PPFIBP1: variants seen among roughly 807,000 people sequenced by gnomAD.
The protein encoded by PPFIBP1 is PPFIB scaffold protein 1, also known as liprin-beta-1.
PPFIBP1 carries 112 observed loss-of-function variants against 137.8 expected under a neutral mutation model. The ratio of observed to expected loss-of-function variants is 0.81; its 90% CI spans 0.70 to 0.95. The LOEUF (loss-of-function observed/expected upper bound fraction) is 0.95. PPFIBP1 is among the 40% of genes least tolerant of loss of function. The probability of loss-of-function intolerance (pLI) is 0.00; values close to 1 mark genes in which losing one functional copy is unlikely to be tolerated. For missense variants in PPFIBP1, 1,083 were observed against 1,196.6 expected, an observed-to-expected ratio of 0.91 and a Z score of 1.40; for synonymous variants, 378 against 417.3, an observed-to-expected ratio of 0.91 and a Z score of 1.15.
Position 27,647,984 on chromosome 12 carries a change from G to T in PPFIBP1, c.471+142G>T, listed in dbSNP as rs556938980. On this transcript the variant is annotated intron_variant, in intron 6 of 29. Coordinates refer to ENST00000228425, the MANE Select transcript of PPFIBP1 (RefSeq NM_003622.4). ...GCACATTAAAAAAAAAAAATTGAGA[G>T]TAGTAGAGTCTCAAAACACATGCAC... is the stretch of plus-strand genomic sequence containing the variant. 1.5e-4 allele frequency: 167 copies of T among 1,100,082 alleles called. 1 individual carries two copies. The African/African-American group carries it at 2.5e-3, about 17-fold the overall frequency. The allele number at this position is 1,100,082 out of a possible 1,614,324, so 68.1% of individuals were successfully genotyped here.
chr12:27,622,761 G>T (rs2056453717), intron 2 of PPFIBP1, among the ~76,000 whole-genome samples: 1 of 152,158 alleles, frequency 6.6e-6, no homozygotes, highest in Non-Finnish European at 1.5e-5. Flanking sequence ...AATATTTGTT[G>T]CAGGTATGTG....
At chr12:27,679,029 G>A (rs1018624980) in intron 19 of PPFIBP1, among the ~76,000 whole-genome samples, 1 of 151,812 alleles carries the variant, frequency 6.6e-6, no homozygotes, top group African/African-American at 2.4e-5. Flanking sequence ...TCCTCTAGAG[G>A]GCATTTAGAA....
At chr12:27,528,598 C>A (rs1460380653) in intron 1 of PPFIBP1, among the ~76,000 whole-genome samples, 2 of 151,934 alleles carry the variant, frequency 1.3e-5, no homozygotes, top group Non-Finnish European at 2.9e-5. Flanking sequence ...TCTTTTACAC[C>A]CTTCATTTTA....
chr12:27,590,017 T>C (rs2052300568), intron 2 of PPFIBP1, among the ~76,000 whole-genome samples: 1 of 152,228 alleles, frequency 6.6e-6, no homozygotes, highest in African/African-American at 2.4e-5. Context: ...TTCTTGACCC[T>C]ACTGACCAGT....
intron 4 of PPFIBP1, among the ~76,000 whole-genome samples, chr12:27,638,082 A>G (rs1347342486): frequency 6.6e-6 from 1 of 152,076 alleles, no homozygotes; most frequent in Non-Finnish European, 1.5e-5. Context: ...GATAATACTT[A>G]CTGCACATAG....
intron 24 of PPFIBP1, 26 bp from the exon 25 acceptor site, chr12:27,687,359 G>A: frequency 1.9e-6 from 3 of 1,611,274 alleles, no homozygotes; most frequent in Non-Finnish European, 2.5e-6. Context: ...AGCACAGTGA[G>A]CTCCTCCTTT....
At chr12:27,643,017 C>G (rs556884594) in intron 4 of PPFIBP1, among the ~76,000 whole-genome samples, 2 of 151,922 alleles carry the variant, frequency 1.3e-5, no homozygotes, top group African/African-American at 2.4e-5. Context: ...TAACTATTGT[C>G]CATTACAAAG....
intron 25 of PPFIBP1, chr12:27,688,059 CGTGG>C: frequency 2.5e-6 from 1 of 398,202 alleles, no homozygotes; most frequent in Non-Finnish European, 4.5e-6. Context: ...GCAACGCCAG[CGTGG>C]GTAAGAGAAT....
Position 27,667,307 on chromosome 12 carries a change from G to T in PPFIBP1, c.1133G>T (p.Ser378Ile), listed in dbSNP as rs780479893. The change falls in exon 13 of 30, where the codon AGT (serine) becomes ATT (isoleucine). Residue 378 changes from serine (S) to isoleucine (I), a missense_variant. Ser to Ile is a moderately radical substitution (Grantham distance 142). Coordinates refer to ENST00000228425, the MANE Select transcript of PPFIBP1 (RefSeq NM_003622.4). The stretch of plus-strand genomic sequence containing the variant: ...CCCAGTTGTGACCCATTTAACACAA[G>T]TGTTCCCGAAGAGGTATTAATAGAC... ...GSPSCDPFNT[S>I]VPEEFHTTIL... The T allele has an allele frequency of 6.2e-7, 1 of 1,602,300 alleles. No individual in the cohort carries two copies. The highest frequency in any genetic ancestry group is 8.5e-7 in the Non-Finnish European group (1 of 1,176,342).
intron 2 of PPFIBP1, among the ~76,000 whole-genome samples, chr12:27,584,845 A>T (rs979262605): frequency 8.5e-5 from 13 of 152,336 alleles, no homozygotes; most frequent in African/African-American, 2.4e-4. Context: ...CATGAAAGGT[A>T]GTAATGGCCA....
chr12:27,580,403 C>T (rs748563661), intron 2 of PPFIBP1, among the ~76,000 whole-genome samples: 13 of 152,162 alleles, frequency 8.5e-5, no homozygotes, highest in African/African-American at 2.7e-4. Context: ...CACTTTGTCT[C>T]GTGACCTTTC....
chr12:27,564,600 CACTTTTCTCCA>C (rs2136477420), intron 1 of PPFIBP1, among the ~76,000 whole-genome samples: 1 of 152,296 alleles, frequency 6.6e-6, no homozygotes, highest in East Asian at 1.9e-4. Flanking sequence ...TACGTGCTTT[CACTTTTCTCCA>C]ACAGTCTCCA....
chr12:27,575,002 G>A (rs2050443892), intron 1 of PPFIBP1, among the ~76,000 whole-genome samples: 2 of 152,186 alleles, frequency 1.3e-5, no homozygotes, highest in Admixed American at 1.3e-4. Flanking sequence ...AAGGTTAAGT[G>A]ACTTAGGTAA....
chr12:27,538,095 C>T (rs1945249403), intron 1 of PPFIBP1: 1 of 152,312 alleles, frequency 6.6e-6, no homozygotes, highest in Non-Finnish European at 1.5e-5. Flanking sequence ...CCAAGCTTGC[C>T]TTTCCCTGCT....
intron 10 of PPFIBP1, among the ~76,000 whole-genome samples, chr12:27,659,929 G>C (rs769104182): frequency 6.6e-5 from 10 of 152,090 alleles, no homozygotes; most frequent in Non-Finnish European, 1.2e-4. Context: ...AATGACAGAG[G>C]AAGATGCTGT....
chr12:27,618,488 T>C (rs1007316643), intron 2 of PPFIBP1, among the ~76,000 whole-genome samples: 2 of 152,212 alleles, frequency 1.3e-5, no homozygotes, highest in African/African-American at 4.8e-5. Context: ...CAACCCCTCA[T>C]CTTAACCCAG....
Position 27,602,268 on chromosome 12 carries a change from C to T in PPFIBP1, c.-36+24029C>T, listed in dbSNP as rs149450012. Among the ~76,000 whole-genome samples, 705 of 152,280 alleles carry T rather than the reference C, an allele frequency of 4.6e-3. 6 individuals are homozygous for T. Among genetic ancestry groups the T allele is most frequent in the African/African-American group, 0.016 (668 of 41,554 alleles). ...TCAGCTGAGGACACCATTTCCCCCT[C>T]CCTACCCAGCTTTATTGAGGCATAA... is the stretch of plus-strand genomic sequence containing the variant. On this transcript the variant is annotated intron_variant, in intron 2 of 29. Coordinates refer to ENST00000228425, the MANE Select transcript of PPFIBP1 (RefSeq NM_003622.4).
intron 9 of PPFIBP1, 56 bp downstream of exon 9, chr12:27,656,786 T>C (rs1170852369): frequency 6.7e-6 from 8 of 1,191,308 alleles, no homozygotes; most frequent in South Asian, 1.3e-5. Flanking sequence ...CTCCAAAATC[T>C]GTAAAGGAAA....
At chr12:27,550,994 T>A (rs867253605) in intron 1 of PPFIBP1, among the ~76,000 whole-genome samples, 10,672 of 140,782 alleles carry the variant, frequency 0.076, 538 homozygotes, top group African/African-American at 0.13. Flanking sequence ...TATATATATT[T>A]TTTTTTTTTT....
Sources: gnomAD v4.1 joint callset for allele counts (sites outside exome capture counted in the v4.1 genomes callset) on GRCh38, gnomAD v4.1.1 for gene constraint, MANE v1.5 for transcripts, NCBI Gene and HGNC (gene_info 2026-07-23, HGNC 2026-07-21) for gene names.